Variants in LDB2 observed in about 807,000 individuals in gnomAD.
The protein encoded by LDB2 is LIM domain binding 2, also known as LIM domain-binding protein 2.
A neutral mutation model predicts 44.3 loss-of-function variants in LDB2; 12 were observed. That is an observed-to-expected ratio of 0.27 (90% confidence interval 0.17 to 0.44). LDB2 has a LOEUF of 0.44. Ranked by LOEUF, LDB2 falls within the 20% of genes least tolerant of loss-of-function variation. The pLI, the probability that LDB2 is intolerant of heterozygous loss-of-function variation, is 1.00. For missense variants in LDB2, 344 were observed against 473.5 expected (o/e 0.73, Z 2.54); for synonymous variants, 164 against 174.8 (o/e 0.94, Z 0.49).
At chr4:16,512,161 A>C in intron 5 of LDB2, 57 bp from the exon 6 acceptor site, 1 of 1,446,392 alleles carries the variant, frequency 6.9e-7, no homozygotes, top group Non-Finnish European at 9.3e-7. Flanking sequence ...AATTACAATA[A>C]ATAATGCTAA....
At chr4:16,578,898 G>GGAT (rs1713028515) in intron 5 of LDB2, among the ~76,000 whole-genome samples, 1 of 152,136 alleles carries the variant, frequency 6.6e-6, no homozygotes. Context: ...ACAACAAAAT[G>GGAT]GATGGAACTG....
intron 5 of LDB2, among the ~76,000 whole-genome samples, chr4:16,532,578 T>A (rs1730513782): frequency 6.6e-6 from 1 of 152,216 alleles, no homozygotes; most frequent in African/African-American, 2.4e-5. Flanking sequence ...ATTAGTAAAG[T>A]CTTAGAGTCT....
At chr4:16,600,592 A>G (rs1722312324) in intron 2 of LDB2, among the ~76,000 whole-genome samples, 1 of 152,192 alleles carries the variant, frequency 6.6e-6, no homozygotes, top group Admixed American at 6.5e-5. Context: ...TTTATAGGTA[A>G]ATATGATTAG....
intron 2 of LDB2, among the ~76,000 whole-genome samples, chr4:16,655,885 C>T (rs1418366358): frequency 3.2e-5 from 4 of 124,672 alleles, no homozygotes; most frequent in Admixed American, 1.7e-4. Flanking sequence ...GTTGGTTGTT[C>T]TGCAAGAAAA....
At chr4:16,760,154 T>G (rs190185350) in intron 1 of LDB2, among the ~76,000 whole-genome samples, 1 of 152,258 alleles carries the variant, frequency 6.6e-6, no homozygotes, top group East Asian at 1.9e-4. Context: ...GCACCATGTT[T>G]TTCCAGAGAA....
intron 2 of LDB2, among the ~76,000 whole-genome samples, chr4:16,598,586 GT>G (rs1305326878): frequency 1.3e-5 from 2 of 152,130 alleles, no homozygotes; most frequent in Non-Finnish European, 2.9e-5. Flanking sequence ...GTCAACATGT[GT>G]TGAGGTGTTT....
intron 2 of LDB2, among the ~76,000 whole-genome samples, chr4:16,649,295 C>T (rs1441858528): frequency 6.6e-6 from 1 of 152,110 alleles, no homozygotes; most frequent in Non-Finnish European, 1.5e-5. Flanking sequence ...TATGTTTGCC[C>T]CAAGTGTTGC....
At chr4:16,570,062 G>T (rs1307069272) in intron 5 of LDB2, among the ~76,000 whole-genome samples, 2 of 152,138 alleles carry the variant, frequency 1.3e-5, no homozygotes, top group African/African-American at 4.8e-5. Context: ...TTTTCAAGGA[G>T]CACATCTCAA....
chr4:16,854,082 T>C (rs1788835390), intron 1 of LDB2, among the ~76,000 whole-genome samples: 2 of 152,062 alleles, frequency 1.3e-5, no homozygotes, highest in South Asian at 4.1e-4. Flanking sequence ...ATGAGGACTA[T>C]AGGTAATATA....
intron 2 of LDB2, among the ~76,000 whole-genome samples, chr4:16,675,704 A>T (rs1360113955): frequency 6.6e-6 from 1 of 152,198 alleles, no homozygotes; most frequent in Non-Finnish European, 1.5e-5. Context: ...TCTATGTCTT[A>T]ATATATTAAT....
intron 2 of LDB2, among the ~76,000 whole-genome samples, chr4:16,668,214 A>T (rs1743826114): frequency 6.6e-6 from 1 of 152,134 alleles, no homozygotes; most frequent in South Asian, 2.1e-4. Context: ...ACTGTGGGTC[A>T]TGGTCAAAAT....
At chr4:16,795,304 C>G (rs1776532580) in intron 1 of LDB2, among the ~76,000 whole-genome samples, 1 of 152,162 alleles carries the variant, frequency 6.6e-6, no homozygotes, top group Non-Finnish European at 1.5e-5. Flanking sequence ...GTCCATATTA[C>G]AGAGACCCAA....
At chr4:16,664,693 C>T (rs1243657018) in intron 2 of LDB2, among the ~76,000 whole-genome samples, 1 of 152,234 alleles carries the variant, frequency 6.6e-6, no homozygotes, top group Non-Finnish European at 1.5e-5. Flanking sequence ...GACAAGCCTT[C>T]CCACAAGGCA....
At chr4:16,586,113 T>C (rs780618052) in intron 4 of LDB2, 108 bp from the exon 5 acceptor site, 67 of 829,770 alleles carry the variant, frequency 8.1e-5, no homozygotes, top group Non-Finnish European at 1.2e-4. Flanking sequence ...CATTGTTGAT[T>C]TTATTTGGAG....
chr4:16,682,905 C>T (rs1748314791), intron 2 of LDB2, among the ~76,000 whole-genome samples: 1 of 152,258 alleles, frequency 6.6e-6, no homozygotes, highest in African/African-American at 2.4e-5. Flanking sequence ...TAATACCTCT[C>T]AAGAAACTCT....
intron 1 of LDB2, among the ~76,000 whole-genome samples, chr4:16,841,204 C>A (rs1054529710): frequency 5.9e-5 from 9 of 152,136 alleles, no homozygotes; most frequent in Admixed American, 2.6e-4. Flanking sequence ...GCAGGCATAA[C>A]CATAGCTAGC....
intron 1 of LDB2, among the ~76,000 whole-genome samples, chr4:16,853,907 G>C (rs1788798205): frequency 6.6e-6 from 1 of 152,118 alleles, no homozygotes; most frequent in African/African-American, 2.4e-5. Flanking sequence ...ATCTCACCTA[G>C]ATGTGAAATC....
At chr4:16,613,201 T>C (rs891042268) in intron 2 of LDB2, among the ~76,000 whole-genome samples, 3 of 152,220 alleles carry the variant, frequency 2.0e-5, no homozygotes, top group African/African-American at 7.2e-5. Flanking sequence ...TAGGTATTGA[T>C]GGAACACATC....
chr4:16,696,264 T>A (rs1042192610), intron 2 of LDB2, among the ~76,000 whole-genome samples: 1 of 152,182 alleles, frequency 6.6e-6, no homozygotes, highest in Admixed American at 6.5e-5. Context: ...TGTGGTGGGC[T>A]GCCCTTCCAG....
Sources: allele counts gnomAD v4.1 joint callset (sites outside exome capture counted in the v4.1 genomes callset), GRCh38; gene constraint gnomAD v4.1.1; transcripts MANE v1.5; gene names NCBI Gene and HGNC (gene_info 2026-07-23, HGNC 2026-07-21).